Variants in CLRN3 observed in about 807,000 individuals in gnomAD.
The protein encoded by CLRN3 is clarin 3.
Under a neutral mutation model 16.7 loss-of-function variants are expected in CLRN3, and 12 were observed. The ratio of observed to expected loss-of-function variants is 0.72; its 90% CI spans 0.46 to 1.16. The LOEUF is 1.16. CLRN3 is among the 50% of genes most tolerant of loss of function. CLRN3 has a pLI of 0.00. For synonymous variants in CLRN3, 118 were observed against 113.0 expected (o/e 1.04, Z -0.28); for missense variants, 296 against 274.2 (o/e 1.08, Z -0.56).
intron 1 of CLRN3, among the ~76,000 whole-genome samples, chr10:127,887,227 C>T (rs552688029): frequency 6.6e-6 from 1 of 152,176 alleles, no homozygotes; most frequent in Non-Finnish European, 1.5e-5. Flanking sequence ...AGATGAGTTA[C>T]CATAAGAGGG....
At chr10:127,883,625 G>C in intron 2 of CLRN3, 71 bp downstream of exon 2, 6 of 1,080,858 alleles carry the variant, frequency 5.6e-6, no homozygotes, top group Non-Finnish European at 8.6e-6. Flanking sequence ...ATGCATGTGT[G>C]AGAGGCAGAG....
chr10:127,892,532 C>G lies in CLRN3; in HGVS notation c.229+24G>C, dbSNP rs1216085468. The stretch of plus-strand genomic sequence containing the variant: ...AACCTTAATTCAATCTCACTATATT[C>G]ATTCAAATTAGTTTATCATTTACCT... On this transcript the variant is annotated intron_variant, in intron 1 of 2. Transcript: ENST00000368671. The G allele has an allele frequency of 7.9e-6, 9 of 1,137,918 alleles. No homozygotes were observed. In the Admixed American group the frequency reaches 1.5e-4, roughly 19 times the overall value. The allele number at this position is 1,137,918 out of a possible 1,614,324, so 70.5% of individuals were successfully genotyped here.
At chr10:127,890,830 G>C (rs542015341) in intron 1 of CLRN3, among the ~76,000 whole-genome samples, 21 of 152,144 alleles carry the variant, frequency 1.4e-4, no homozygotes, top group Admixed American at 4.6e-4. Context: ...ACTTTCCCCT[G>C]TCTGAGAGAA....
intron 2 of CLRN3, among the ~76,000 whole-genome samples, chr10:127,880,330 G>A (rs1315934280): frequency 6.6e-6 from 1 of 152,120 alleles, no homozygotes; most frequent in Non-Finnish European, 1.5e-5. Flanking sequence ...GCAAACCTGA[G>A]TCCCCTTTAG....
At chr10:127,880,628 C>T (rs1189423823) in intron 2 of CLRN3, among the ~76,000 whole-genome samples, 1 of 152,182 alleles carries the variant, frequency 6.6e-6, no homozygotes, top group African/African-American at 2.4e-5. Context: ...GGCCAGGATA[C>T]AGCCTCATCA....
chr10:127,881,297 G>A (rs568459994), intron 2 of CLRN3, among the ~76,000 whole-genome samples: 66 of 152,316 alleles, frequency 4.3e-4, no homozygotes, highest in Admixed American at 9.8e-4. Flanking sequence ...GCTACGGGGA[G>A]GCTCTCAGGT....
rs1275900442 is a variant in CLRN3 at position 127,878,451 on chromosome 10, AT to A, written c.410-32del. The A allele has an allele frequency of 3.7e-5, 60 of 1,610,956 alleles. No individual in the cohort carries two copies. In the South Asian group the frequency reaches 6.5e-4, roughly 17 times the overall value. ...AGGAAGATGGAGTTTCATGCATGGC[AT>A]GGTGATACAGTTTTTAATGTCACTT... On this transcript the variant is annotated intron_variant, in intron 2 of 2. Transcript: ENST00000368671.
At chr10:127,886,620 G>T (rs149243130) in intron 1 of CLRN3, among the ~76,000 whole-genome samples, 1 of 152,208 alleles carries the variant, frequency 6.6e-6, no homozygotes, top group Non-Finnish European at 1.5e-5. Context: ...ATGTGGATAC[G>T]CCTCACAGCG....
At chr10:127,887,451 CTT>C (rs112841520) in intron 1 of CLRN3, among the ~76,000 whole-genome samples, 39 of 139,482 alleles carry the variant, frequency 2.8e-4, no homozygotes, top group African/African-American at 9.4e-4. Context: ...GTTCACATTC[CTT>C]TTTTTTTTTT....
Position 127,878,096 on chromosome 10 carries a change from T to C in CLRN3, c.*53A>G. The C allele has an allele frequency of 9.5e-6, 15 of 1,584,824 alleles. No homozygotes were observed. The highest frequency in any genetic ancestry group is 1.3e-5 in the Non-Finnish European group (15 of 1,159,996). On this transcript the variant is annotated 3_prime_UTR_variant, in exon 3 of 3. Coordinates refer to ENST00000368671, the MANE Select transcript of CLRN3 (RefSeq NM_152311.5). ...TTGTCCAGAGAAGCTAACCAGTTAC[T>C]ACTCAGGGCTGATGTACAATAGATG...
At chr10:127,879,134 G>A (rs897434830) in intron 2 of CLRN3, among the ~76,000 whole-genome samples, 1 of 151,966 alleles carries the variant, frequency 6.6e-6, no homozygotes, top group East Asian at 1.9e-4. Flanking sequence ...TTTTGAGATG[G>A]GGTCTCACTC....
chr10:127,892,819 A>T lies in CLRN3; in HGVS notation c.-35T>A. ...AAAATAAGTTCTCTAGGACAAAAAA[A>T]GGAATATCTTCTTATAACACTTTTG... On this transcript the variant is annotated 5_prime_UTR_variant, in exon 1 of 3. Transcript: ENST00000368671. 8.0e-7 allele frequency: 1 copy of T among 1,252,918 alleles called. No homozygotes were observed. The highest frequency in any genetic ancestry group is 1.2e-6 in the Non-Finnish European group (1 of 860,886). 77.6% of individuals were successfully genotyped at this position (1,252,918 alleles called of 1,614,324 possible). A position where few individuals can be genotyped will look rare whatever the true frequency, so the allele number is the denominator to read the frequency against.
chr10:127,879,677 C>A (rs950099838), intron 2 of CLRN3, among the ~76,000 whole-genome samples: 39 of 152,184 alleles, frequency 2.6e-4, no homozygotes, highest in South Asian at 8.3e-4. Flanking sequence ...TCAAAATATT[C>A]TAAAATTGGC....
chr10:127,892,376 A>G (rs1171457482), intron 1 of CLRN3, among the ~76,000 whole-genome samples, 180 bp downstream of exon 1: 2 of 152,270 alleles, frequency 1.3e-5, no homozygotes, highest in African/African-American at 2.4e-5. Context: ...CACAAGGAGA[A>G]CCGAGGAAGC....
At position 127,878,358 on chromosome 10, in the gene CLRN3, CGGAGAGTTG is replaced by C. The variant is rs754384982; in HGVS notation, c.463_471del (p.Gln155_Ser157del). On this transcript the variant is annotated inframe_deletion, in exon 3 of 3. Transcript: ENST00000368671. ...GGGTAAAGCATTTGGAACAACTCTT[CGGAGAGTTG>C]GTTGGACTGCGTGTTCGCCACAAAC... 9.9e-6 allele frequency: 16 copies of C among 1,614,136 alleles called. No homozygotes were observed. In the South Asian group the frequency reaches 1.5e-4, roughly 16 times the overall value.
Position 127,892,761 on chromosome 10 carries a change from C to A in CLRN3, c.24G>T (p.Leu8Phe). Residue 8 changes from leucine (L) to phenylalanine (F), a missense_variant, in exon 1 of 3, where the codon TTG becomes TTT. By Grantham distance (22) the Leu-to-Phe change is conservative (BLOSUM62 0). Transcript: ENST00000368671. The part of the protein sequence containing the change: MPTTKKT[L>F]MFLSSFFTSL... ...TGGTGAAAAAGCTTGATAAGAACATCAATGTCTTCTTTGTGGTAGGCATTT... is the reference window on the plus strand; with the variant it reads ...TGGTGAAAAAGCTTGATAAGAACATAAATGTCTTCTTTGTGGTAGGCATTT... 1 of 1,611,788 alleles carries A rather than the reference C, an allele frequency of 6.2e-7. No individual in the cohort carries two copies. Among genetic ancestry groups the A allele is most frequent in the Non-Finnish European group, 8.5e-7 (1 of 1,178,570 alleles).
At chr10:127,883,270 ATGTG>A (rs5788877) in intron 2 of CLRN3, among the ~76,000 whole-genome samples, 21,124 of 151,136 alleles carry the variant, frequency 0.14, 1,525 homozygotes, top group African/African-American at 0.19. Context: ...TGGTGTGTTC[ATGTG>A]TGTGTGTGTG....
At position 127,892,812 on chromosome 10, in the gene CLRN3, CA is replaced by C. The variant is rs770771690; in HGVS notation, c.-29del. The stretch of plus-strand genomic sequence containing the variant: ...TCACAGGAAAATAAGTTCTCTAGGA[CA>C]AAAAAAGGAATATCTTCTTATAACA... On this transcript the variant is annotated 5_prime_UTR_variant, in exon 1 of 3. Coordinates refer to ENST00000368671, the MANE Select transcript of CLRN3 (RefSeq NM_152311.5). The C allele has an allele frequency of 6.7e-6, 9 of 1,336,774 alleles. No individual in the cohort carries two copies. The highest frequency in any genetic ancestry group is 1.5e-5 in the African/African-American group (1 of 68,472). The allele number at this position is 1,336,774 out of a possible 1,614,324, so 82.8% of individuals were successfully genotyped here. A position where few individuals can be genotyped will look rare whatever the true frequency, so the allele number is the denominator to read the frequency against.
At chr10:127,890,378 C>G (rs1236746705) in intron 1 of CLRN3, among the ~76,000 whole-genome samples, 2 of 152,146 alleles carry the variant, frequency 1.3e-5, no homozygotes, top group Non-Finnish European at 2.9e-5. Context: ...GACGATTTTC[C>G]CCACAGATTG....
Sources: gnomAD v4.1 joint callset for allele counts (sites outside exome capture counted in the v4.1 genomes callset) on GRCh38, gnomAD v4.1.1 for gene constraint, MANE v1.5 for transcripts, NCBI Gene and HGNC (gene_info 2026-07-23, HGNC 2026-07-21) for gene names.